The following PATJ variants were observed in gnomAD, a reference collection of about 807,000 sequenced individuals.
PATJ encodes inaD-like protein.
In PATJ, 190 loss-of-function variants were observed where a neutral mutation model predicts 224.9. That is an observed-to-expected ratio of 0.84 (90% confidence interval 0.75 to 0.95). PATJ has a LOEUF of 0.95. PATJ is among the 40% of genes least tolerant of loss of function. The probability of loss-of-function intolerance (pLI) is 0.00; values close to 1 mark genes in which losing one functional copy is unlikely to be tolerated. For synonymous variants in PATJ, 769 were observed against 820.3 expected (o/e 0.94, Z 1.07); for missense variants, 2,121 against 2,270.3 (o/e 0.93, Z 1.34).
intron 33 of PATJ, among the ~76,000 whole-genome samples, chr1:62,103,219 G>T (rs376709837): frequency 2.0e-5 from 3 of 152,148 alleles, no homozygotes; most frequent in African/African-American, 7.2e-5. Context: ...TTACTATCGT[G>T]GTGGGAGTAC....
At chr1:61,887,284 T>G (rs946405900) in intron 22 of PATJ, among the ~76,000 whole-genome samples, 1 of 151,984 alleles carries the variant, frequency 6.6e-6, no homozygotes, top group Non-Finnish European at 1.5e-5. Context: ...CTAAGATAGG[T>G]GCCAGGAAGG....
chr1:61,977,075 A>G (rs1295316661), intron 27 of PATJ, among the ~76,000 whole-genome samples: 1 of 152,000 alleles, frequency 6.6e-6, no homozygotes, highest in African/African-American at 2.4e-5. Context: ...CTCACATGAT[A>G]GTATTTTTTG....
intron 41 of PATJ, among the ~76,000 whole-genome samples, chr1:62,137,359 A>T (rs1341624511): frequency 7.3e-6 from 1 of 137,754 alleles, no homozygotes; most frequent in Non-Finnish European, 1.6e-5. Context: ...TGGCAGAAGG[A>T]AACATGGAAT....
intron 14 of PATJ, among the ~76,000 whole-genome samples, chr1:61,817,258 T>C (rs558072836): frequency 2.5e-4 from 38 of 152,336 alleles, no homozygotes; most frequent in African/African-American, 9.1e-4. Context: ...ATATATAAAA[T>C]GCTAAATAGC....
At chr1:62,012,041 A>C (rs946270790) in intron 28 of PATJ, among the ~76,000 whole-genome samples, 10 of 151,752 alleles carry the variant, frequency 6.6e-5, no homozygotes, top group African/African-American at 2.4e-4. Context: ...AAAAAAAGCA[A>C]GCAAAAAACA....
intron 30 of PATJ, among the ~76,000 whole-genome samples, chr1:62,042,499 C>T (rs1465168906): frequency 6.6e-6 from 1 of 152,086 alleles, no homozygotes; most frequent in Non-Finnish European, 1.5e-5. Context: ...AGAGACAGCC[C>T]ATTCAAATCA....
At chr1:62,078,765 TGTTC>T (rs1658754402) in intron 31 of PATJ, 1 of 152,018 alleles carries the variant, frequency 6.6e-6, no homozygotes, top group African/African-American at 2.4e-5. Context: ...CTTTCTTTCT[TGTTC>T]ATTCATTCAT....
chr1:62,106,154 GTGTGTATATATATATATA>G lies in PATJ; in HGVS notation c.4378-2281_4378-2264del, dbSNP rs1419207875. On this transcript the variant is annotated intron_variant, in intron 33 of 43. Transcript: ENST00000642238. ...TATATACATGTGTATATGTGTGTGTGTGTGTATATATATATATATATATATATATATATGGCTGGGCAC... is the reference window on the plus strand; with the variant it reads ...TATATACATGTGTATATGTGTGTGTGTATATATATATATATGGCTGGGCAC... 1.8e-3 allele frequency among the ~76,000 whole-genome samples: 87 copies of G among 48,448 alleles called. 7 individuals are homozygous for G. Among genetic ancestry groups the G allele is most frequent in the African/African-American group, 6.8e-3 (81 of 11,846 alleles). 31.8% of individuals were successfully genotyped at this position (48,448 alleles called of 152,430 possible). A position where few individuals can be genotyped will look rare whatever the true frequency, so the allele number is the denominator to read the frequency against.
At chr1:62,101,577 T>C in intron 33 of PATJ, among the ~76,000 whole-genome samples, 1 of 152,188 alleles carries the variant, frequency 6.6e-6, no homozygotes, top group East Asian at 1.9e-4. Context: ...GATAGTAGTT[T>C]CTTAAGCAAC....
At chr1:61,880,703 C>T (rs1194031268) in intron 21 of PATJ, among the ~76,000 whole-genome samples, 4 of 152,344 alleles carry the variant, frequency 2.6e-5, no homozygotes, top group African/African-American at 7.2e-5. Flanking sequence ...TCATCTTACA[C>T]GTGTTTGAGC....
At chr1:61,938,227 G>A (rs777689918) in intron 27 of PATJ, among the ~76,000 whole-genome samples, 14 of 152,310 alleles carry the variant, frequency 9.2e-5, no homozygotes, top group Non-Finnish European at 1.8e-4. Flanking sequence ...CCTGGTCTAA[G>A]TGGATGGGGG....
intron 1 of PATJ, among the ~76,000 whole-genome samples, chr1:61,753,320 C>T (rs1272249119): frequency 6.6e-6 from 1 of 152,054 alleles, no homozygotes; most frequent in African/African-American, 2.4e-5. Context: ...CTTCCCAATT[C>T]ACATGTGCAG....
At chr1:61,765,116 C>G (rs1346096571) in intron 3 of PATJ, among the ~76,000 whole-genome samples, 1 of 88,242 alleles carries the variant, frequency 1.1e-5, no homozygotes, top group Non-Finnish European at 2.1e-5. Context: ...GAGTATTTGC[C>G]TGGGCTAGAG....
intron 27 of PATJ, among the ~76,000 whole-genome samples, chr1:61,951,470 G>C (rs867407011): frequency 6.6e-5 from 10 of 151,914 alleles, no homozygotes; most frequent in African/African-American, 2.4e-4. Flanking sequence ...TACAAAGAAA[G>C]ATTATACTGT....
At position 61,867,154 on chromosome 1, in the gene PATJ, T is replaced by C. The variant is rs151041446; in HGVS notation, c.2835+2521T>C. On this transcript the variant is annotated intron_variant, in intron 20 of 43. Transcript: ENST00000642238. Reference sequence around the variant, plus strand: ...TTAGAATGCCTTAACCATCTGGAAATGCAGCCCAGTAGGTCTCAGCCTCAT... The same window carrying C: ...TTAGAATGCCTTAACCATCTGGAAACGCAGCCCAGTAGGTCTCAGCCTCAT... 1.8e-4 allele frequency among the ~76,000 whole-genome samples: 27 copies of C among 152,340 alleles called. No individual in the cohort carries two copies. The East Asian group carries it at 5.0e-3, about 28-fold the overall frequency.
intron 7 of PATJ, among the ~76,000 whole-genome samples, chr1:61,786,875 G>A (rs1286820): frequency 0.98 from 149,608 of 152,142 alleles, 73,597 homozygotes; most frequent in Middle Eastern, 1. Flanking sequence ...AATCCCAGCT[G>A]CTCAGGAGGC....
chr1:61,909,833 T>A (rs548785831), intron 25 of PATJ, among the ~76,000 whole-genome samples: 3 of 152,174 alleles, frequency 2.0e-5, no homozygotes, highest in Non-Finnish European at 2.9e-5. Flanking sequence ...ATCCCAGTGG[T>A]GGGGGCATTG....
intron 23 of PATJ, among the ~76,000 whole-genome samples, chr1:61,900,810 C>T (rs1297201312): frequency 6.6e-6 from 1 of 152,080 alleles, no homozygotes; most frequent in Admixed American, 6.5e-5. Flanking sequence ...AGGATGGTCT[C>T]GATCTCCTGA....
At chr1:61,838,418 G>A (rs1237656691) in intron 17 of PATJ, among the ~76,000 whole-genome samples, 6 of 150,910 alleles carry the variant, frequency 4.0e-5, no homozygotes, top group Non-Finnish European at 5.9e-5. Flanking sequence ...GCAGTGGCGC[G>A]ATCTCAGCTC....
Sources: gnomAD v4.1 joint callset for allele counts (sites outside exome capture counted in the v4.1 genomes callset) on GRCh38, gnomAD v4.1.1 for gene constraint, MANE v1.5 for transcripts, NCBI Gene and HGNC (gene_info 2026-07-23, HGNC 2026-07-21) for gene names.